SLC24A2: variants seen among roughly 807,000 people sequenced by gnomAD.
The protein encoded by SLC24A2 is sodium/potassium/calcium exchanger 2.
Under a neutral mutation model 62.0 loss-of-function variants are expected in SLC24A2, and 36 were observed. That is an observed-to-expected ratio of 0.58 (90% CI 0.44 to 0.77). SLC24A2 has a LOEUF of 0.77. Among genes scored for constraint, SLC24A2 ranks in the 30% least tolerant of loss-of-function variants. The probability of loss-of-function intolerance (pLI) is 0.00; values close to 1 mark genes in which losing one functional copy is unlikely to be tolerated. For synonymous variants in SLC24A2, 358 were observed against 294.0 expected (o/e 1.22, Z -2.23); for missense variants, 846 against 817.9 (o/e 1.03, Z -0.42).
At chr9:19,636,127 C>A (rs1818304793) in intron 2 of SLC24A2, among the ~76,000 whole-genome samples, 1 of 152,070 alleles carries the variant, frequency 6.6e-6, no homozygotes, top group African/African-American at 2.4e-5. Context: ...TCATTTAGTT[C>A]ATTAAAAACA....
intron 2 of SLC24A2, among the ~76,000 whole-genome samples, chr9:19,666,807 T>C (rs937158131): frequency 6.6e-6 from 1 of 152,218 alleles, no homozygotes; most frequent in Non-Finnish European, 1.5e-5. Flanking sequence ...GTGCCTTTCA[T>C]GATTTCAGAT....
chr9:19,648,632 G>A (rs1008304649), intron 2 of SLC24A2, among the ~76,000 whole-genome samples: 1 of 152,116 alleles, frequency 6.6e-6, no homozygotes, highest in Non-Finnish European at 1.5e-5. Context: ...GGAATTAGTT[G>A]GAATAGGATA....
chr9:19,838,667 TG>T, the SLC24A2 span, among the ~76,000 whole-genome samples: 7 of 151,994 alleles, frequency 4.6e-5, no homozygotes, highest in Non-Finnish European at 7.4e-5. Context: ...AAAAGTGTTT[TG>T]TTATTTTCAG....
chr9:20,062,938 T>C, the SLC24A2 span, among the ~76,000 whole-genome samples: 1 of 117,002 alleles, frequency 8.5e-6, no homozygotes, highest in South Asian at 3.1e-4. Flanking sequence ...AAAACCACAA[T>C]GAGATACCAT....
At chr9:20,232,392 G>C in the SLC24A2 span, among the ~76,000 whole-genome samples, 4 of 152,088 alleles carry the variant, frequency 2.6e-5, no homozygotes, top group Admixed American at 6.5e-5. Context: ...GTAAGCTATT[G>C]ATTATTGCCT....
At chr9:20,294,003 T>C in the SLC24A2 span, among the ~76,000 whole-genome samples, 1 of 152,122 alleles carries the variant, frequency 6.6e-6, no homozygotes, top group Admixed American at 6.5e-5. Flanking sequence ...AGCCCATCTT[T>C]ACCCTGACAA....
chr9:19,562,876 A>G (rs1323027592), intron 7 of SLC24A2, among the ~76,000 whole-genome samples: 1 of 152,162 alleles, frequency 6.6e-6, no homozygotes, highest in South Asian at 2.1e-4. Flanking sequence ...AGCTCTGGGT[A>G]GAAGGATCGC....
At chr9:19,621,720 T>C (rs1587051140) in intron 3 of SLC24A2, among the ~76,000 whole-genome samples, 1 of 152,206 alleles carries the variant, frequency 6.6e-6, no homozygotes, top group East Asian at 1.9e-4. Flanking sequence ...TGGTCCTTAT[T>C]CTGCGAAACT....
intron 2 of SLC24A2, among the ~76,000 whole-genome samples, chr9:19,669,980 AT>A (rs1239662555): frequency 6.6e-6 from 1 of 152,212 alleles, no homozygotes; most frequent in African/African-American, 2.4e-5. Flanking sequence ...CTTGGTGATT[AT>A]CTTCTGTGTT....
the SLC24A2 span, among the ~76,000 whole-genome samples, chr9:20,276,836 C>T: frequency 2.6e-5 from 4 of 152,230 alleles, no homozygotes; most frequent in African/African-American, 7.2e-5. Context: ...GGGGCTTGCA[C>T]CCTCTGAAGC....
At chr9:20,019,240 A>T in the SLC24A2 span, among the ~76,000 whole-genome samples, 1 of 147,290 alleles carries the variant, frequency 6.8e-6, no homozygotes, top group Non-Finnish European at 1.5e-5. Context: ...AGAAAGAAAA[A>T]GAAAGAAGGA....
chr9:19,900,144 C>T, the SLC24A2 span, among the ~76,000 whole-genome samples: 1 of 152,176 alleles, frequency 6.6e-6, no homozygotes, highest in Non-Finnish European at 1.5e-5. Context: ...GTGCTCTGCC[C>T]TAGAATGCAA....
chr9:19,775,194 G>A (rs758041394), intron 2 of SLC24A2, among the ~76,000 whole-genome samples: 25 of 152,306 alleles, frequency 1.6e-4, no homozygotes, highest in Non-Finnish European at 2.9e-4. Flanking sequence ...CAAGAACCAT[G>A]TCTGCATCAT....
At chr9:19,938,000 C>T in the SLC24A2 span, among the ~76,000 whole-genome samples, 1 of 152,072 alleles carries the variant, frequency 6.6e-6, no homozygotes. Context: ...AGTATAAAAA[C>T]AGTACAGAAT....
At chr9:20,106,529 C>A in the SLC24A2 span, among the ~76,000 whole-genome samples, 12 of 152,178 alleles carry the variant, frequency 7.9e-5, no homozygotes, top group African/African-American at 1.7e-4. Flanking sequence ...CCCTGGGATG[C>A]AAGGCTGGTT....
chr9:20,151,952 T>A, the SLC24A2 span, among the ~76,000 whole-genome samples: 4 of 151,560 alleles, frequency 2.6e-5, no homozygotes, highest in Non-Finnish European at 2.9e-5. Context: ...GTTCTCGGAG[T>A]CTGGGGCTTA....
chr9:19,910,273 C>G, the SLC24A2 span, among the ~76,000 whole-genome samples: 1 of 152,116 alleles, frequency 6.6e-6, no homozygotes, highest in Non-Finnish European at 1.5e-5. Flanking sequence ...CTTACCCTTC[C>G]TATCACCAAA....
At chr9:20,126,098 G>C in the SLC24A2 span, among the ~76,000 whole-genome samples, 1 of 151,968 alleles carries the variant, frequency 6.6e-6, no homozygotes, top group Non-Finnish European at 1.5e-5. Flanking sequence ...TGTGTAGATA[G>C]TTGTCAAATT....
chr9:19,549,789 C>T (rs1834754793), intron 8 of SLC24A2, among the ~76,000 whole-genome samples: 1 of 152,172 alleles, frequency 6.6e-6, no homozygotes, highest in Admixed American at 6.5e-5. Flanking sequence ...ACAATGTGCC[C>T]TATTCAAATT....
Sources: gnomAD v4.1 joint callset for allele counts (sites outside exome capture counted in the v4.1 genomes callset) on GRCh38, gnomAD v4.1.1 for gene constraint, MANE v1.5 for transcripts, NCBI Gene and HGNC (gene_info 2026-07-23, HGNC 2026-07-21) for gene names.